Variants in MYO1H observed in about 807,000 individuals in gnomAD.
MYO1H encodes myosin IH.
Under a neutral mutation model 149.3 loss-of-function variants are expected in MYO1H, and 118 were observed. That is an observed-to-expected ratio of 0.79 (90% confidence interval 0.68 to 0.92). The LOEUF is 0.92. MYO1H is among the 40% of genes least tolerant of loss of function. The probability of loss-of-function intolerance (pLI) is 0.00; values close to 1 mark genes in which losing one functional copy is unlikely to be tolerated. For synonymous variants in MYO1H, 447 were observed against 465.2 expected, an observed-to-expected ratio of 0.96 and a Z score of 0.50; for missense variants, 1,212 against 1,280.7, an observed-to-expected ratio of 0.95 and a Z score of 0.82.
chr12:109,412,986 A>G (rs12230500), intron 14 of MYO1H, among the ~76,000 whole-genome samples: 14,369 of 130,274 alleles, frequency 0.11, 1,119 homozygotes, highest in African/African-American at 0.24. Flanking sequence ...TGTTGTTATT[A>G]TTATTATTTG....
chr12:109,444,340 T>C (rs1398842520), intron 29 of MYO1H, 57 bp downstream of exon 29: 9 of 1,579,150 alleles, frequency 5.7e-6, no homozygotes, highest in Non-Finnish European at 7.0e-6. Context: ...TGCCAAAATG[T>C]TAAGTTGACC....
rs1260846622 is a variant in MYO1H, at chr12:109,443,007, AAAATAT to A, written c.2689-505_2689-500del. Reference sequence around the variant, plus strand: ...CATGCAGAGAGCCAGGAAAAAAAAAAAAATATATATATATATATATATGTGTGTGTG... The same window carrying A: ...CATGCAGAGAGCCAGGAAAAAAAAAAATATATATATATATATGTGTGTGTG... On this transcript the variant is annotated intron_variant, in intron 27 of 31. Coordinates refer to ENST00000310903, the Ensembl canonical transcript of MYO1H. Among the ~76,000 whole-genome samples, 10 of 83,900 alleles carry A rather than the reference AAAATAT, an allele frequency of 1.2e-4. 1 individual carries two copies. The highest frequency in any genetic ancestry group is 6.2e-4 in the South Asian group (2 of 3,218). 55.0% of individuals were successfully genotyped at this position (83,900 alleles called of 152,430 possible).
chr12:109,328,856 T>C, the MYO1H span, among the ~76,000 whole-genome samples: 1 of 152,194 alleles, frequency 6.6e-6, no homozygotes, highest in Non-Finnish European at 1.5e-5. Context: ...AAATATCTTG[T>C]GGAATGATTA....
intron 14 of MYO1H, among the ~76,000 whole-genome samples, chr12:109,414,490 A>G (rs568508464): frequency 5.6e-4 from 85 of 150,538 alleles, no homozygotes; most frequent in Non-Finnish European, 6.3e-4. Context: ...AAAAAAAAAA[A>G]AAAGAAAGAA....
chr12:109,386,995 C>CGTGTGTGTGT lies in MYO1H; in HGVS notation c.13-1651_13-1642dup, dbSNP rs55675476. Among the ~76,000 whole-genome samples the CGTGTGTGTGT allele has an allele frequency of 2.4e-3, 344 of 141,186 alleles. 1 individual carries two copies. The highest frequency in any genetic ancestry group is 4.2e-3 in the Non-Finnish European group (274 of 65,390). The allele number at this position is 141,186 out of a possible 152,430, so 92.6% of individuals were successfully genotyped here. On this transcript the variant is annotated intron_variant, in intron 1 of 31. Coordinates refer to ENST00000310903, the Ensembl canonical transcript of MYO1H. ...TTAGGTCTAAGATGCATCTCAAGTT[C>CGTGTGTGTGT]GTGTGTGTGTGTGTGTGTGTGTGTG... is the stretch of plus-strand genomic sequence containing the variant.
At chr12:109,319,089 A>G in the MYO1H span, among the ~76,000 whole-genome samples, 3 of 151,500 alleles carry the variant, frequency 2.0e-5, no homozygotes, top group African/African-American at 2.4e-5. Flanking sequence ...ACCCAAAACA[A>G]TGGAAAGCAG....
At position 109,441,713 on chromosome 12, in the gene MYO1H, G is replaced by C. The variant is rs777167991; in HGVS notation, c.2632+5G>C. ...CCTTTGTCAACAGTCGGATAGGTAA[G>C]TACATTTTCCAGCCTATGTACTTGG... On this transcript the variant is annotated splice_donor_5th_base_variant and intron_variant, in intron 26 of 31. Transcript: ENST00000310903. The C allele has an allele frequency of 6.9e-6, 11 of 1,602,194 alleles. No individual in the cohort carries two copies. The highest frequency in any genetic ancestry group is 9.4e-6 in the Non-Finnish European group (11 of 1,172,200).
At chr12:109,433,676 T>C (rs1871735515) in intron 20 of MYO1H, among the ~76,000 whole-genome samples, 1 of 152,218 alleles carries the variant, frequency 6.6e-6, no homozygotes. Context: ...CTCCCACTTG[T>C]ACATGGTCGT....
chr12:109,424,820 C>G lies in MYO1H; in HGVS notation c.1717C>G (p.Pro573Ala), dbSNP rs570413717. Residue 573 changes from proline to alanine, a missense_variant, in exon 17 of 32, where the codon CCC becomes GCC. By Grantham distance (27) the Pro-to-Ala change is conservative. Transcript: ENST00000310903. ...GGCCGAGTTAGAAAACCGGAGGAGG[C>G]CCCCAACAGTGAGTGGGAAAAACAC... The G allele has an allele frequency of 2.2e-5, 36 of 1,613,534 alleles. No individual in the cohort carries two copies. The highest frequency in any genetic ancestry group is 1.8e-4 in the Admixed American group (11 of 59,996).
At chr12:109,345,253 T>C (rs1199109523), upstream of MYO1H, among the ~76,000 whole-genome samples, 1 of 152,036 alleles carries the variant, frequency 6.6e-6, no homozygotes, top group African/African-American at 2.4e-5. Flanking sequence ...CTTCTACAAC[T>C]CAACAACAAA....
intron 1 of MYO1H, among the ~76,000 whole-genome samples, chr12:109,358,540 C>T (rs1458935382): frequency 1.3e-5 from 2 of 152,176 alleles, no homozygotes; most frequent in Non-Finnish European, 2.9e-5. Context: ...TGGACTTCGT[C>T]TCCGGGACTG....
At chr12:109,442,368 C>G in intron 27 of MYO1H, 96 bp downstream of exon 27, 1 of 1,042,434 alleles carries the variant, frequency 9.6e-7, no homozygotes, top group East Asian at 2.4e-5. Flanking sequence ...TATTTAAATG[C>G]AGGGGTGCAG....
intron 19 of MYO1H, 38 bp downstream of exon 19, chr12:109,427,624 G>A: frequency 1.5e-6 from 2 of 1,375,968 alleles, no homozygotes; most frequent in Non-Finnish European, 2.1e-6. Flanking sequence ...CAATAGTCAT[G>A]TGCCTACTAC....
At position 109,364,092 on chromosome 12, in the gene MYO1H, A is replaced by C. The variant is rs1432786806; in HGVS notation, c.12+16120A>C. Among the ~76,000 whole-genome samples the C allele has an allele frequency of 5.3e-5, 8 of 150,112 alleles. No homozygotes were observed. In the Admixed American group the frequency reaches 5.3e-4, roughly 10 times the overall value. The stretch of plus-strand genomic sequence containing the variant: ...AGTCTGAGGCAGGAGAATTGTTTGA[A>C]CCTGGGAGGCAGAGGTTGCAGTGAG... On this transcript the variant is annotated intron_variant, in intron 1 of 31. Coordinates refer to ENST00000310903, the Ensembl canonical transcript of MYO1H.
intron 1 of MYO1H, among the ~76,000 whole-genome samples, chr12:109,365,278 AAAAT>A (rs950325463): frequency 1.3e-5 from 2 of 152,234 alleles, no homozygotes; most frequent in African/African-American, 4.8e-5. Flanking sequence ...CCTGTCTCTT[AAAAT>A]AAATAAATAA....
chr12:109,385,647 G>T (rs1284730118), intron 1 of MYO1H, among the ~76,000 whole-genome samples: 2 of 152,174 alleles, frequency 1.3e-5, no homozygotes, highest in African/African-American at 4.8e-5. Context: ...ATGTTAGGTT[G>T]CTAGTGATTA....
intron 1 of MYO1H, among the ~76,000 whole-genome samples, chr12:109,355,873 A>AT (rs1241670326): frequency 9.6e-6 from 1 of 104,070 alleles, no homozygotes; most frequent in East Asian, 2.4e-4. Context: ...ACGCCCAGCA[A>AT]ATTTTTTTTT....
chr12:109,367,282 C>A (rs1231972135), intron 1 of MYO1H, among the ~76,000 whole-genome samples: 1 of 152,118 alleles, frequency 6.6e-6, no homozygotes, highest in Non-Finnish European at 1.5e-5. Context: ...AAAATAAGTT[C>A]TCCTTAGACC....
chr12:109,348,004 C>T (rs1868374879), intron 1 of MYO1H, 32 bp downstream of exon 1: 1 of 399,094 alleles, frequency 2.5e-6, no homozygotes, highest in East Asian at 3.6e-5. Flanking sequence ...AAGGTGGTTA[C>T]ACCTGGTGAC....
Sources: allele counts gnomAD v4.1 joint callset (sites outside exome capture counted in the v4.1 genomes callset), GRCh38; gene constraint gnomAD v4.1.1; transcripts MANE v1.5; gene names NCBI Gene and HGNC (gene_info 2026-07-23, HGNC 2026-07-21).